RUSC2: variants seen among roughly 807,000 people sequenced by gnomAD.
RUSC2 encodes RUN and SH3 domain containing 2, also known as AP-4 complex accessory subunit RUSC2.
A neutral mutation model predicts 122.2 loss-of-function variants in RUSC2; 34 were observed. The observed-to-expected ratio is 0.28, with a 90% confidence interval of 0.21 to 0.37. The LOEUF is 0.37. Ranked by LOEUF, RUSC2 falls within the 10% of genes least tolerant of loss-of-function variation. The pLI is 1.00. For synonymous variants in RUSC2, 784 were observed against 790.0 expected (o/e 0.99, Z 0.13); for missense variants, 1,747 against 1,952.4 (o/e 0.89, Z 1.98).
At chr9:35,549,588 G>A (rs1463973898) in intron 2 of RUSC2, among the ~76,000 whole-genome samples, 2 of 152,212 alleles carry the variant, frequency 1.3e-5, no homozygotes, top group African/African-American at 4.8e-5. Context: ...CGTCAGGGAG[G>A]AACTGCTAAT....
chr9:35,511,256 G>A (rs574700073), intron 1 of RUSC2, among the ~76,000 whole-genome samples: 9 of 152,286 alleles, frequency 5.9e-5, no homozygotes, highest in African/African-American at 2.2e-4. Flanking sequence ...GGACAGAGTT[G>A]AAGACTGTGA....
At chr9:35,545,605 G>A (rs1821727658) in intron 1 of RUSC2, among the ~76,000 whole-genome samples, 1 of 152,200 alleles carries the variant, frequency 6.6e-6, no homozygotes, top group Non-Finnish European at 1.5e-5. Flanking sequence ...GGCACTTCAG[G>A]ATGTCTGTAT....
intron 1 of RUSC2, among the ~76,000 whole-genome samples, chr9:35,495,712 G>C (rs1003658981): frequency 6.6e-6 from 1 of 152,094 alleles, no homozygotes; most frequent in African/African-American, 2.4e-5. Context: ...AAAAAACATT[G>C]TTGGGATTTT....
chr9:35,537,033 C>T (rs1821543623), intron 1 of RUSC2, among the ~76,000 whole-genome samples: 1 of 152,066 alleles, frequency 6.6e-6, no homozygotes, highest in South Asian at 2.1e-4. Context: ...TATAATGTAA[C>T]AGTATTTGTG....
chr9:35,547,885 C>T lies in RUSC2; in HGVS notation c.1364C>T (p.Pro455Leu). The T allele has an allele frequency of 6.2e-7, 1 of 1,614,234 alleles. No homozygotes were observed. The change falls in exon 2 of 12, where the codon CCA becomes CTA. Residue 455 changes from proline to leucine, a missense_variant. Pro to Leu is a moderately conservative substitution (Grantham distance 98). Coordinates refer to ENST00000361226, the MANE Select transcript of RUSC2 (RefSeq NM_014806.5). This position sits in a 1 kb window ranked among gnomAD's most constrained non-coding sequence, Gnocchi z 4.6. The part of the protein sequence containing the change: ...YYLFQKPEVQ[P>L]EEQEAVSSST... ...CTATTCCAGAAGCCAGAAGTCCAGC[C>T]AGAGGAACAAGAAGCAGTGAGTTCC... is the stretch of plus-strand genomic sequence containing the variant.
At position 35,524,379 on chromosome 9, in the gene RUSC2, A is replaced by G. The variant is rs571204858; in HGVS notation, c.-92-22051A>G. Among the ~76,000 whole-genome samples, 26 of 152,338 alleles carry G rather than the reference A, an allele frequency of 1.7e-4. 1 individual carries two copies. The South Asian group carries it at 5.0e-3, about 29-fold the overall frequency. ...TGATTCAGATGAAACTCATCAATGG[A>G]TGCTAAAATGATTGGATGAAAGTTT... is the stretch of plus-strand genomic sequence containing the variant. On this transcript the variant is annotated intron_variant, in intron 1 of 11. Coordinates refer to ENST00000361226, the MANE Select transcript of RUSC2 (RefSeq NM_014806.5).
chr9:35,510,766 AC>A (rs1379047883), intron 1 of RUSC2, among the ~76,000 whole-genome samples: 1 of 152,218 alleles, frequency 6.6e-6, no homozygotes, highest in Non-Finnish European at 1.5e-5. Flanking sequence ...GTTGTGTATT[AC>A]TGGGTTGGGC....
rs1386215893 is a variant in RUSC2, at chr9:35,546,349, C to G, written c.-92-81C>G. On this transcript the variant is annotated intron_variant, in intron 1 of 11. Coordinates refer to ENST00000361226, the MANE Select transcript of RUSC2 (RefSeq NM_014806.5). This position sits in a 1 kb window ranked among gnomAD's most constrained non-coding sequence, Gnocchi z 4.3. ...TTTCTCTTCCTGGGCTCTTCTCCAT[C>G]TGAAAATGATGTAGGGAAGGGCATG... 3 of 417,658 alleles carry G rather than the reference C, an allele frequency of 7.2e-6. No homozygotes were observed. In the Admixed American group the frequency reaches 1.3e-4, roughly 18 times the overall value. The allele number at this position is 417,658 out of a possible 1,614,324, so 25.9% of individuals were successfully genotyped here.
In RUSC2 at chr9:35,547,967, G is replaced by A. The variant is rs200652951; in HGVS notation, c.1446G>A (p.Thr482=). 9 of 1,614,082 alleles carry A rather than the reference G, an allele frequency of 5.6e-6. No individual in the cohort carries two copies. Among genetic ancestry groups the A allele is most frequent in the Admixed American group, 5.0e-5 (3 of 60,028 alleles). The part of the protein sequence containing the change: ...GPTVLEGQVY[T]NTSPPNLSTG... ...CTGTGCTTGAGGGACAAGTATACACGAATACTTCACCCCCCAACCTCAGCA... is the reference window on the plus strand; with the variant it reads ...CTGTGCTTGAGGGACAAGTATACACAAATACTTCACCCCCCAACCTCAGCA... The change falls in exon 2 of 12, where the codon ACG becomes ACA. Residue 482 remains threonine, a synonymous_variant. Coordinates refer to ENST00000361226, the MANE Select transcript of RUSC2 (RefSeq NM_014806.5). The surrounding 1 kb of genome is among the most constrained non-coding windows in gnomAD (Gnocchi z 4.6).
chr9:35,512,181 CAAAAAA>C (rs1821022779), intron 1 of RUSC2, among the ~76,000 whole-genome samples: 1 of 129,854 alleles, frequency 7.7e-6, no homozygotes, highest in African/African-American at 2.6e-5. Flanking sequence ...ACTTCCATCT[CAAAAAA>C]AGAAAAAAAA....
chr9:35,521,684 G>C (rs546652354), intron 1 of RUSC2, among the ~76,000 whole-genome samples: 2 of 152,268 alleles, frequency 1.3e-5, no homozygotes, highest in Non-Finnish European at 2.9e-5. Context: ...AGCAAACCAA[G>C]TTCTGTGCTT....
intron 1 of RUSC2, among the ~76,000 whole-genome samples, chr9:35,533,253 A>C (rs1821457711): frequency 7.1e-6 from 1 of 140,906 alleles, no homozygotes; most frequent in Non-Finnish European, 1.6e-5. Context: ...TCTCAAAAAA[A>C]AAAAAAAGAA....
chr9:35,561,360 C>A lies in RUSC2; in HGVS notation c.4529C>A (p.Thr1510Asn), dbSNP rs1250455719. Residue 1510 changes from threonine (T) to asparagine (N), a missense_variant, in exon 12 of 12, where the codon ACC becomes AAC. Coordinates refer to ENST00000361226, the MANE Select transcript of RUSC2 (RefSeq NM_014806.5). ...ACATTGACCCCAACTCCAAGTCCAACCCCTGGAAGCAGCCAAAACTGAGGC... is the reference window on the plus strand; with the variant it reads ...ACATTGACCCCAACTCCAAGTCCAAACCCTGGAAGCAGCCAAAACTGAGGC... The part of the protein sequence containing the change: ...YVTLTPTPSP[T>N]PGSSQN 1 of 1,612,852 alleles carries A rather than the reference C, an allele frequency of 6.2e-7. No individual in the cohort carries two copies. The highest frequency in any genetic ancestry group is 8.5e-7 in the Non-Finnish European group (1 of 1,179,352).
intron 1 of RUSC2, among the ~76,000 whole-genome samples, chr9:35,492,358 C>T (rs1426611020): frequency 1.3e-5 from 2 of 151,970 alleles, no homozygotes; most frequent in South Asian, 4.1e-4. Flanking sequence ...TACACAATGA[C>T]TATGCACCCT....
intron 1 of RUSC2, among the ~76,000 whole-genome samples, chr9:35,511,899 G>A (rs967638184): frequency 4.6e-5 from 7 of 152,012 alleles, no homozygotes; most frequent in African/African-American, 1.2e-4. Context: ...GGAAAATCTC[G>A]GCCGGGCGCG....
rs1261102528 is a variant in RUSC2 at position 35,546,714 on chromosome 9, C to T, written c.193C>T (p.Leu65=). ...TCAAGACCTAGGACAAGCTGACTCC[C>T]TGCTATTCAGCAGCCTGCACTCTAC... is the stretch of plus-strand genomic sequence containing the variant. ...PDQDLGQADS[L]LFSSLHSTPG... Residue 65 remains leucine, a synonymous_variant, in exon 2 of 12, where the codon CTG becomes TTG. Transcript: ENST00000361226. This position sits in a 1 kb window ranked among gnomAD's most constrained non-coding sequence, Gnocchi z 4.3. 2 of 1,562,344 alleles carry T rather than the reference C, an allele frequency of 1.3e-6. No individual in the cohort carries two copies. Among genetic ancestry groups the T allele is most frequent in the Non-Finnish European group, 1.7e-6 (2 of 1,154,820 alleles).
intron 1 of RUSC2, among the ~76,000 whole-genome samples, chr9:35,542,966 G>A (rs1372426875): frequency 6.6e-6 from 1 of 152,230 alleles, no homozygotes; most frequent in East Asian, 1.9e-4. Context: ...GGAAGAAAAG[G>A]TACTCATTGA....
At chr9:35,545,158 C>T (rs998574388) in intron 1 of RUSC2, among the ~76,000 whole-genome samples, 2 of 152,158 alleles carry the variant, frequency 1.3e-5, no homozygotes. Flanking sequence ...TACCACATTC[C>T]ACATGACGAG....
chr9:35,544,465 G>A (rs953176525), intron 1 of RUSC2, among the ~76,000 whole-genome samples: 1 of 151,784 alleles, frequency 6.6e-6, no homozygotes, highest in South Asian at 2.1e-4. Flanking sequence ...GCACTACCAC[G>A]CCCAGCTAAT....
Sources: allele counts gnomAD v4.1 joint callset (sites outside exome capture counted in the v4.1 genomes callset), GRCh38; gene constraint gnomAD v4.1.1; non-coding constraint Gnocchi (gnomAD v3.1); transcripts MANE v1.5; gene names NCBI Gene and HGNC (gene_info 2026-07-23, HGNC 2026-07-21).